The following SLC18B1 variants were observed in gnomAD, a reference collection of about 807,000 sequenced individuals.
SLC18B1 encodes MFS-type transporter SLC18B1.
In SLC18B1, 62 loss-of-function variants were observed where a neutral mutation model predicts 53.9. The observed-to-expected ratio is 1.15, with a 90% CI of 0.94 to 1.42. The LOEUF is 1.42. SLC18B1 is among the 40% of genes most tolerant of loss of function. The pLI is 0.00. For synonymous variants in SLC18B1, 217 were observed against 200.9 expected, an observed-to-expected ratio of 1.08 and a Z score of -0.68; for missense variants, 598 against 547.3, an observed-to-expected ratio of 1.09 and a Z score of -0.93.
Position 132,776,300 on chromosome 6 carries a change from G to T in SLC18B1, c.897+28C>A, listed in dbSNP as rs755030130. The T allele has an allele frequency of 2.0e-5, 31 of 1,548,746 alleles. 1 individual carries two copies. The highest frequency in any genetic ancestry group is 1.9e-4 in the South Asian group (17 of 88,026). ...ACCACTGCTCTAAACATACAAAAGT[G>T]ACTCAAATATAAATTAAGTGTACGT... is the stretch of plus-strand genomic sequence containing the variant. On this transcript the variant is annotated intron_variant, in intron 8 of 13. Transcript: ENST00000275227.
At chr6:132,790,538 A>G (rs1781495757) in intron 2 of SLC18B1, among the ~76,000 whole-genome samples, 2 of 152,240 alleles carry the variant, frequency 1.3e-5, no homozygotes, top group African/African-American at 4.8e-5. Context: ...AGTCAGAATC[A>G]GAGTGTATAA....
At position 132,770,136 on chromosome 6, in the gene SLC18B1, C is replaced by G. The variant is rs942443183; in HGVS notation, c.*134G>C. 2 of 687,672 alleles carry G rather than the reference C, an allele frequency of 2.9e-6. No individual in the cohort carries two copies. Among genetic ancestry groups the G allele is most frequent in the Middle Eastern group, 2.5e-4 (1 of 3,956 alleles). 42.6% of individuals were successfully genotyped at this position (687,672 alleles called of 1,614,324 possible). On this transcript the variant is annotated 3_prime_UTR_variant, in exon 14 of 14. Coordinates refer to ENST00000275227, the MANE Select transcript of SLC18B1 (RefSeq NM_052831.3). The stretch of plus-strand genomic sequence containing the variant: ...CCCAATACAGGATCATCCAAAAACA[C>G]GTTGACACTTCCAAGACACTGGCAC...
rs769771458 is a variant in SLC18B1 at position 132,774,333 on chromosome 6, G to T, written c.898-20C>A. 4.4e-6 allele frequency: 7 copies of T among 1,580,788 alleles called. No individual in the cohort carries two copies. The East Asian group carries it at 1.3e-4, about 30-fold the overall frequency. ...TAGAGGCTGGTAAAGGAGAAAGAGA[G>T]TCAAAATGATTCTTAGAGGCAAAGA... On this transcript the variant is annotated intron_variant, in intron 8 of 13. Transcript: ENST00000275227.
In SLC18B1 at chr6:132,789,743, T is replaced by C. The variant is rs1026689914; in HGVS notation, c.353+21A>G. On this transcript the variant is annotated intron_variant, in intron 4 of 13. Coordinates refer to ENST00000275227, the MANE Select transcript of SLC18B1 (RefSeq NM_052831.3). ...TACAAAATCTGTTCAAGCTCCCAAA[T>C]ATAATCAGAAAATGACTTACCCAAA... 7.7e-6 allele frequency: 12 copies of C among 1,550,780 alleles called. No individual in the cohort carries two copies. In the Middle Eastern group the frequency reaches 8.4e-4, roughly 109 times the overall value.
intron 2 of SLC18B1, among the ~76,000 whole-genome samples, chr6:132,796,532 GAAAAAAAAAAA>G (rs56286125): frequency 1.3e-5 from 1 of 77,890 alleles, no homozygotes; most frequent in Non-Finnish European, 2.4e-5. Flanking sequence ...GTCTCGAAAG[GAAAAAAAAAAA>G]AAAAAAAAAA....
intron 8 of SLC18B1, among the ~76,000 whole-genome samples, chr6:132,774,622 TA>T (rs1781055984): frequency 6.6e-6 from 1 of 152,078 alleles, no homozygotes; most frequent in Non-Finnish European, 1.5e-5. Flanking sequence ...TAAAAAGCAG[TA>T]ACCGGCCAGG....
rs150904835 is a variant in SLC18B1, at chr6:132,786,084, C to A, written c.501+1350G>T. On this transcript the variant is annotated intron_variant, in intron 5 of 13. Transcript: ENST00000275227. Reference sequence around the variant, plus strand: ...AGGACAGCAGACAGCCCTCTCCAAACTTGCTTAACCATAAACCCTTATCTT... The same window carrying A: ...AGGACAGCAGACAGCCCTCTCCAAAATTGCTTAACCATAAACCCTTATCTT... Among the ~76,000 whole-genome samples the A allele has an allele frequency of 2.6e-4, 39 of 152,242 alleles. 1 individual carries two copies. In the East Asian group the frequency reaches 7.4e-3, roughly 29 times the overall value.
chr6:132,798,527 G>T lies in SLC18B1; in HGVS notation c.-71C>A. 7.3e-7 allele frequency: 1 copy of T among 1,372,138 alleles called. No individual in the cohort carries two copies. The allele number at this position is 1,372,138 out of a possible 1,614,324, so 85.0% of individuals were successfully genotyped here. A position where few individuals can be genotyped will look rare whatever the true frequency, so the allele number is the denominator to read the frequency against. On this transcript the variant is annotated 5_prime_UTR_variant, in exon 1 of 14. Coordinates refer to ENST00000275227, the MANE Select transcript of SLC18B1 (RefSeq NM_052831.3). ...CGTCCTTGGACTCGACCTCCAAGGAGCCACTGGCACTCTGGCGGGCGGCCG... is the reference window on the plus strand; with the variant it reads ...CGTCCTTGGACTCGACCTCCAAGGATCCACTGGCACTCTGGCGGGCGGCCG...
intron 6 of SLC18B1, among the ~76,000 whole-genome samples, chr6:132,780,391 G>A (rs1450782206): frequency 6.6e-6 from 1 of 152,012 alleles, no homozygotes; most frequent in African/African-American, 2.4e-5. Context: ...TGATGGCCAT[G>A]ATGGCCCTCA....
rs773402085 is a variant in SLC18B1, at chr6:132,770,890, CT to C, written c.1303del (p.Arg435GlyfsTer33). 8 of 1,608,070 alleles carry C rather than the reference CT, an allele frequency of 5.0e-6. No individual in the cohort carries two copies. The highest frequency in any genetic ancestry group is 1.1e-5 in the South Asian group (1 of 90,298). ...AAAAAAGCCCCAAAATTGACCATAC[CT>C]TTTTCTCCTTGAATACTCCAGTAGA... ...FYLLEYSRRK[R>X]SKSQNILSTE... is the part of the protein sequence containing the mutation. On this transcript the variant is annotated frameshift_variant and splice_region_variant, in exon 13 of 14. Transcript: ENST00000275227. LOFTEE classifies it low-confidence loss of function (END_TRUNC).
rs892640139 is a variant in SLC18B1 at position 132,774,096 on chromosome 6, A to G, written c.989+126T>C. On this transcript the variant is annotated intron_variant, in intron 9 of 13. Coordinates refer to ENST00000275227, the MANE Select transcript of SLC18B1 (RefSeq NM_052831.3). ...TATTGTCAGCCTAACAATTCAATAG[A>G]GTCCTAAAGTTAATTATTTAAATAT... 3 of 546,664 alleles carry G rather than the reference A, an allele frequency of 5.5e-6. No homozygotes were observed. In the Admixed American group the frequency reaches 9.2e-5, roughly 17 times the overall value. 33.9% of individuals were successfully genotyped at this position (546,664 alleles called of 1,614,324 possible).
chr6:132,797,079 AGCCACCCGGGGGTCTCT>A lies in SLC18B1; in HGVS notation c.69_85del (p.Glu24PhefsTer34). On this transcript the variant is annotated frameshift_variant, in exon 2 of 14. Transcript: ENST00000275227. LOFTEE classifies it high-confidence loss of function. ...CAGTACAAAAACCTGTTCTCTCGAA[AGCCACCCGGGGGTCTCT>A]CCTGCACTTCCTGCAGGATCATCAC... 1 of 1,614,192 alleles carries A rather than the reference AGCCACCCGGGGGTCTCT, an allele frequency of 6.2e-7. No homozygotes were observed. Among genetic ancestry groups the A allele is most frequent in the East Asian group, 2.2e-5 (1 of 44,886 alleles).
At chr6:132,781,229 T>G (rs1213505491) in intron 6 of SLC18B1, among the ~76,000 whole-genome samples, 1 of 152,082 alleles carries the variant, frequency 6.6e-6, no homozygotes, top group Non-Finnish European at 1.5e-5. Flanking sequence ...TATTAAAACA[T>G]CCATGAAAAT....
rs112519455 is a variant in SLC18B1, at chr6:132,769,428, A to G, written c.*842T>C. ...ACATCACAATTTCACACGAAGTTGGAGGAAGCCCTTCCCTAACAAAACAAG... is the reference window on the plus strand; with the variant it reads ...ACATCACAATTTCACACGAAGTTGGGGGAAGCCCTTCCCTAACAAAACAAG... On this transcript the variant is annotated 3_prime_UTR_variant, in exon 14 of 14. Transcript: ENST00000275227. 64 of 152,358 alleles carry G rather than the reference A, an allele frequency of 4.2e-4. No homozygotes were observed. The highest frequency in any genetic ancestry group is 1.4e-3 in the African/African-American group (60 of 41,588). The allele number at this position is 152,358 out of a possible 1,614,324, so 9.4% of individuals were successfully genotyped here.
intron 7 of SLC18B1, among the ~76,000 whole-genome samples, chr6:132,778,679 C>T (rs1356773650): frequency 6.6e-6 from 1 of 152,078 alleles, no homozygotes; most frequent in African/African-American, 2.4e-5. Flanking sequence ...ACTACCACAC[C>T]TGGTAATGGA....
At chr6:132,792,948 G>A (rs1227938760) in intron 2 of SLC18B1, among the ~76,000 whole-genome samples, 1 of 152,076 alleles carries the variant, frequency 6.6e-6, no homozygotes. Context: ...GTGAAACCCC[G>A]TCTCTACTAA....
intron 5 of SLC18B1, among the ~76,000 whole-genome samples, chr6:132,787,017 G>A (rs1221761217): frequency 1.3e-5 from 2 of 152,328 alleles, no homozygotes; most frequent in African/African-American, 4.8e-5. Context: ...TAAATCTGGG[G>A]AAAGTGGAAG....
intron 2 of SLC18B1, among the ~76,000 whole-genome samples, chr6:132,792,257 A>C (rs148969298): frequency 6.0e-5 from 2 of 33,370 alleles, no homozygotes; most frequent in African/African-American, 2.2e-4. Flanking sequence ...GAAAGAAAGA[A>C]AGAAAGAAAG....
chr6:132,798,280 C>A, intron 1 of SLC18B1, 134 bp downstream of exon 1: 1 of 955,990 alleles, frequency 1.0e-6, no homozygotes, highest in Non-Finnish European at 1.4e-6. Flanking sequence ...CTGGCCCGAA[C>A]CCCACGATCA....
Sources: allele counts gnomAD v4.1 joint callset (sites outside exome capture counted in the v4.1 genomes callset), GRCh38; gene constraint gnomAD v4.1.1; transcripts MANE v1.5; gene names NCBI Gene and HGNC (gene_info 2026-07-23, HGNC 2026-07-21).